Variants in SLC25A40 observed in about 807,000 individuals in gnomAD.
The protein encoded by SLC25A40 is mitochondrial glutathione transporter SLC25A40.
Under a neutral mutation model 46.5 loss-of-function variants are expected in SLC25A40, and 41 were observed. The ratio of observed to expected loss-of-function variants is 0.88; its 90% CI spans 0.69 to 1.14. The LOEUF (loss-of-function observed/expected upper bound fraction) is 1.14, where lower values mean the gene tolerates loss of function less well. SLC25A40 is among the 50% of genes most tolerant of loss of function. The pLI, the probability that SLC25A40 is intolerant of heterozygous loss-of-function variation, is 0.00. For synonymous variants in SLC25A40, 126 were observed against 127.5 expected (o/e 0.99, Z 0.08); for missense variants, 386 against 393.6 (o/e 0.98, Z 0.16).
At chr7:87,870,636 A>G (rs1271243130) in intron 1 of SLC25A40, among the ~76,000 whole-genome samples, 2 of 152,146 alleles carry the variant, frequency 1.3e-5, no homozygotes, top group African/African-American at 4.8e-5. Context: ...AGGCTCAGCC[A>G]GCACAGGGAA....
chr7:87,836,355 A>G lies in SLC25A40; in HGVS notation c.911T>C (p.Ile304Thr). ...AGGAGCAATTTTAATTAAGCGAGGA[A>G]TTAGGCCTGAGAAAAGAATAGGAAT... The part of the protein sequence containing the change: ...NGFSGLFSGL[I>T]PRLIKIAPAC... Residue 304 changes from isoleucine (I) to threonine (T), a missense_variant, in exon 12 of 12, where the codon ATT becomes ACT. Coordinates refer to ENST00000341119, the MANE Select transcript of SLC25A40 (RefSeq NM_018843.4). The G allele has an allele frequency of 6.6e-7, 1 of 1,506,696 alleles. No homozygotes were observed. The highest frequency in any genetic ancestry group is 2.5e-5 in the East Asian group (1 of 39,814). The allele number at this position is 1,506,696 out of a possible 1,614,324, so 93.3% of individuals were successfully genotyped here. A position where few individuals can be genotyped will look rare whatever the true frequency, so the allele number is the denominator to read the frequency against.
intron 1 of SLC25A40, among the ~76,000 whole-genome samples, chr7:87,874,023 T>C (rs540933959): frequency 6.6e-6 from 1 of 152,320 alleles, no homozygotes; most frequent in South Asian, 2.1e-4. Flanking sequence ...CAGACCTGAT[T>C]ACTGGACAAT....
At chr7:87,853,866 TATCA>T (rs1313900703) in intron 5 of SLC25A40, among the ~76,000 whole-genome samples, 2 of 152,224 alleles carry the variant, frequency 1.3e-5, no homozygotes, top group Non-Finnish European at 2.9e-5. Context: ...ATTTTAATTG[TATCA>T]ATCAATGTCA....
chr7:87,858,863 GAATT>G, intron 2 of SLC25A40, 112 bp from the exon 3 acceptor site: 1 of 639,058 alleles, frequency 1.6e-6, no homozygotes, highest in Non-Finnish European at 2.8e-6. Context: ...AACTAAGAGA[GAATT>G]AACCAAACAG....
At position 87,858,639 on chromosome 7, in the gene SLC25A40, G is replaced by A; in HGVS notation, c.89C>T (p.Ser30Leu). Residue 30 changes from serine (S) to leucine (L), a missense_variant, in exon 3 of 12, where the codon TCA (serine) becomes TTA (leucine). Ser to Leu is a moderately radical substitution (Grantham distance 145). Coordinates refer to ENST00000341119, the MANE Select transcript of SLC25A40 (RefSeq NM_018843.4). ...LASCTGAILT[S>L]VIVTPLDVVK... is the part of the protein sequence containing the mutation. Reference sequence around the variant, plus strand: ...CAGTAACATAATTTTACCTATTACTGATGTCAGTATAGCTCCAGTACATGA... The same window carrying A: ...CAGTAACATAATTTTACCTATTACTAATGTCAGTATAGCTCCAGTACATGA... The A allele has an allele frequency of 1.0e-5, 16 of 1,574,792 alleles. No homozygotes were observed. The highest frequency in any genetic ancestry group is 1.3e-5 in the Non-Finnish European group (15 of 1,144,350).
At position 87,847,111 on chromosome 7, in the gene SLC25A40, T is replaced by C; in HGVS notation, c.469A>G (p.Thr157Ala). The change falls in exon 8 of 12, where the codon ACT (threonine) becomes GCT (alanine). Residue 157 changes from threonine (T) to alanine (A), a missense_variant. Transcript: ENST00000341119. ...AGIVARFGAV[T>A]VISPLELIRT... ...ATCAATTCTAGTGGACTTATCACAG[T>C]TACTGCACCAACTAATACAAACAAG... 6.2e-7 allele frequency: 1 copy of C among 1,606,278 alleles called. No individual in the cohort carries two copies. The highest frequency in any genetic ancestry group is 8.5e-7 in the Non-Finnish European group (1 of 1,176,430).
At chr7:87,862,279 A>G (rs1051965455) in intron 1 of SLC25A40, among the ~76,000 whole-genome samples, 1 of 152,222 alleles carries the variant, frequency 6.6e-6, no homozygotes, top group East Asian at 1.9e-4. Context: ...CTGTAATAGT[A>G]GAACATCTCA....
At chr7:87,865,258 AT>A (rs946583072) in intron 1 of SLC25A40, among the ~76,000 whole-genome samples, 9 of 152,098 alleles carry the variant, frequency 5.9e-5, no homozygotes, top group African/African-American at 2.2e-4. Context: ...ATGAAAACTT[AT>A]TTTAGATAAC....
intron 10 of SLC25A40, among the ~76,000 whole-genome samples, chr7:87,839,872 C>T (rs1838305687): frequency 6.6e-6 from 1 of 151,726 alleles, no homozygotes; most frequent in East Asian, 1.9e-4. Flanking sequence ...TGCAACACTT[C>T]ATATTTTCTT....
At chr7:87,876,032 G>C (rs1294715223) in intron 1 of SLC25A40, 64 bp downstream of exon 1, 1 of 152,248 alleles carries the variant, frequency 6.6e-6, no homozygotes, top group African/African-American at 2.4e-5. Context: ...AGCTGAGTCC[G>C]GACTCAGCCA....
intron 1 of SLC25A40, among the ~76,000 whole-genome samples, chr7:87,867,229 T>C (rs866312788): frequency 6.6e-6 from 1 of 152,236 alleles, no homozygotes; most frequent in Non-Finnish European, 1.5e-5. Flanking sequence ...TGAACACCAA[T>C]AATTCTTAAG....
At position 87,852,525 on chromosome 7, in the gene SLC25A40, C is replaced by T. The variant is rs568262838; in HGVS notation, c.264+1679G>A. Among the ~76,000 whole-genome samples, 4 of 152,188 alleles carry T rather than the reference C, an allele frequency of 2.6e-5. No individual in the cohort carries two copies. In the East Asian group the frequency reaches 7.7e-4, roughly 29 times the overall value. On this transcript the variant is annotated intron_variant, in intron 5 of 11. Transcript: ENST00000341119. ...TTGAGGAAGCAGTGAGTCATGATTG[C>T]TCCACTGCACTCCAGCCTAGGTGAC...
chr7:87,854,347 A>C, intron 4 of SLC25A40, 37 bp from the exon 5 acceptor site: 4 of 1,203,842 alleles, frequency 3.3e-6, no homozygotes, highest in Admixed American at 2.1e-5. Context: ...CAATTACCTC[A>C]CATAACTGTT....
At chr7:87,866,043 A>G (rs1419841707) in intron 1 of SLC25A40, among the ~76,000 whole-genome samples, 2 of 151,970 alleles carry the variant, frequency 1.3e-5, no homozygotes, top group Non-Finnish European at 2.9e-5. Flanking sequence ...AGATCATGCC[A>G]CTGTACTCCA....
At chr7:87,846,832 G>T in intron 8 of SLC25A40, 117 bp downstream of exon 8, 1 of 715,144 alleles carries the variant, frequency 1.4e-6, no homozygotes, top group Non-Finnish European at 2.0e-6. Context: ...GGAGTTTGTG[G>T]TCACTATAGA....
intron 8 of SLC25A40, 149 bp downstream of exon 8, chr7:87,846,800 C>A: frequency 1.9e-6 from 1 of 516,958 alleles, no homozygotes; most frequent in Non-Finnish European, 3.1e-6. Flanking sequence ...TTGGAAAGAT[C>A]TGAGAGCCCA....
chr7:87,869,612 C>T lies in SLC25A40; in HGVS notation c.-94+6484G>A, dbSNP rs575181249. On this transcript the variant is annotated intron_variant, in intron 1 of 11. Transcript: ENST00000341119. The stretch of plus-strand genomic sequence containing the variant: ...TCGTACCCCCTTTTTTTCTGGTTTC[C>T]TTTACTCACTAATTATTCTGAAATT... Among the ~76,000 whole-genome samples the T allele has an allele frequency of 7.3e-5, 11 of 150,936 alleles. No individual in the cohort carries two copies. The South Asian group carries it at 2.3e-3, about 32-fold the overall frequency.
rs1244964226 is a variant in SLC25A40, at chr7:87,834,588, TA to T, written c.*1660del. The T allele has an allele frequency of 6.6e-6, 1 of 151,618 alleles. No homozygotes were observed. The highest frequency in any genetic ancestry group is 2.4e-5 in the African/African-American group (1 of 41,394). 9.4% of individuals were successfully genotyped at this position (151,618 alleles called of 1,614,324 possible). A position where few individuals can be genotyped will look rare whatever the true frequency, so the allele number is the denominator to read the frequency against. Reference sequence around the variant, plus strand: ...GACATGGAAACCTTTCTCATACTTATAGGTGATATTAAACTGAAATATATAA... The same window carrying T: ...GACATGGAAACCTTTCTCATACTTATGGTGATATTAAACTGAAATATATAA... On this transcript the variant is annotated 3_prime_UTR_variant, in exon 12 of 12. Transcript: ENST00000341119.
intron 10 of SLC25A40, among the ~76,000 whole-genome samples, chr7:87,837,579 A>G (rs1304217705): frequency 6.6e-6 from 1 of 151,410 alleles, no homozygotes; most frequent in Non-Finnish European, 1.5e-5. Flanking sequence ...TTAAAAACTC[A>G]GCAAAAGTAG....
Sources: gnomAD v4.1 joint callset for allele counts (sites outside exome capture counted in the v4.1 genomes callset) on GRCh38, gnomAD v4.1.1 for gene constraint, MANE v1.5 for transcripts, NCBI Gene and HGNC (gene_info 2026-07-23, HGNC 2026-07-21) for gene names.